DLG3: variants seen among roughly 807,000 people sequenced by gnomAD.
The protein encoded by DLG3 is disks large homolog 3.
Under a neutral mutation model 64.1 loss-of-function variants are expected in DLG3, and 1 was observed. That is an observed-to-expected ratio of 0.02 (90% CI 0.01 to 0.07). DLG3 has a LOEUF of 0.07. Among genes scored for constraint, DLG3 ranks in the 10% least tolerant of loss-of-function variants. The pLI is 1.00. For missense variants in DLG3, 429 were observed against 669.5 expected, an observed-to-expected ratio of 0.64 and a Z score of 3.96; for synonymous variants, 245 against 259.8, an observed-to-expected ratio of 0.94 and a Z score of 0.55.
intron 12 of DLG3, among the ~76,000 whole-genome samples, chrX:70,492,960 C>T (rs1176559404): frequency 8.9e-6 from 1 of 112,056 alleles, no homozygotes; most frequent in Non-Finnish European, 1.9e-5. Context: ...TCCCTTCAGA[C>T]CACCTGAGGC....
At chrX:70,484,062 T>TATTTAATTTA (rs202014669) in intron 10 of DLG3, among the ~76,000 whole-genome samples, 18 of 112,237 alleles carry the variant, frequency 1.6e-4, no homozygotes, top group Admixed American at 7.6e-4. Flanking sequence ...TCTATACTTG[T>TATTTAATTTA]ATTTAATTTA....
rs1251815075 is a variant in DLG3, at chrX:70,450,758, G to T, written c.960G>T (p.Met320Ile). 1 of 1,211,555 alleles carries T rather than the reference G, an allele frequency of 8.3e-7. No homozygotes were observed. The highest frequency in any genetic ancestry group is 1.1e-6 in the Non-Finnish European group (1 of 895,483). The change falls in exon 6 of 19, where the codon ATG becomes ATT. Residue 320 changes from methionine (M) to isoleucine (I), a missense_variant. Coordinates refer to ENST00000374360, the MANE Select transcript of DLG3 (RefSeq NM_021120.4). ...AKPGSLHLND[M>I]YAPPDYASTF... is the part of the protein sequence containing the mutation. ...CAGGCAGCCTCCACCTCAACGACAT[G>T]TACGCTCCCCCTGACTACGCCAGCA... is the stretch of plus-strand genomic sequence containing the variant.
At chrX:70,483,802 C>G (rs1418637891) in intron 10 of DLG3, among the ~76,000 whole-genome samples, 1 of 112,195 alleles carries the variant, frequency 8.9e-6, no homozygotes, top group Non-Finnish European at 1.9e-5. Context: ...AAGGACCTTC[C>G]TCACACTTCA....
chrX:70,460,297 A>C (rs1420499033), intron 9 of DLG3, among the ~76,000 whole-genome samples: 1 of 108,822 alleles, frequency 9.2e-6, no homozygotes, highest in Admixed American at 9.9e-5. Context: ...AAAAAAAAAA[A>C]AAAAAAAAAA....
intron 12 of DLG3, among the ~76,000 whole-genome samples, chrX:70,494,938 C>T (rs1486380069): frequency 8.9e-6 from 1 of 112,509 alleles, no homozygotes; most frequent in African/African-American, 3.2e-5. Context: ...CTACCTGGCA[C>T]ACGCGGACAT....
At chrX:70,452,594 A>G in intron 7 of DLG3, 1 of 1,172,163 alleles carries the variant, frequency 8.5e-7, no homozygotes, top group Non-Finnish European at 1.1e-6. Flanking sequence ...CCGGAAGGGT[A>G]GGCAGCCAGG....
rs779238940 is a variant in DLG3, at chrX:70,449,477, G to A, written c.527G>A (p.Arg176Lys). The A allele has an allele frequency of 1.7e-6, 2 of 1,211,445 alleles. No homozygotes were observed. The highest frequency in any genetic ancestry group is 2.2e-6 in the Non-Finnish European group (2 of 895,382). ...GGTGGAGCAGCTGCCATGGATGGGA[G>A]GCTGGGGTGAGATGGCCTGGAAGCA... Reference protein sequence around the residue: ...IPGGAAAMDGRLGVNDCVLRV... With the variant: ...IPGGAAAMDGKLGVNDCVLRV... Residue 176 changes from arginine to lysine, a missense_variant, in exon 3 of 19, where the codon AGG (arginine) becomes AAG (lysine). Physicochemically the swap from Arg to Lys is conservative, Grantham distance 26. Around this residue, in one of 9 missense-constraint regions of DLG3, gnomAD observed 73 missense variants for 158.5 expected, o/e 0.46. Transcript: ENST00000374360.
At chrX:70,476,186 GAA>G (rs2087051339) in intron 9 of DLG3, among the ~76,000 whole-genome samples, 1 of 112,064 alleles carries the variant, frequency 8.9e-6, no homozygotes, top group Non-Finnish European at 1.9e-5. Context: ...TGGGAAAAAG[GAA>G]AGAGGGCGAT....
chrX:70,471,967 G>A (rs2086977624), intron 9 of DLG3, among the ~76,000 whole-genome samples: 1 of 111,177 alleles, frequency 9.0e-6, no homozygotes, highest in Admixed American at 9.6e-5. Flanking sequence ...AGTTCTAATT[G>A]TGTTACTTTC....
chrX:70,494,853 CTT>C (rs1294011067), intron 12 of DLG3, among the ~76,000 whole-genome samples: 1 of 112,771 alleles, frequency 8.9e-6, no homozygotes. Flanking sequence ...CCATGCGAAA[CTT>C]TTCCTGAAGG....
intron 9 of DLG3, among the ~76,000 whole-genome samples, chrX:70,464,591 C>T (rs900141481): frequency 8.9e-6 from 1 of 111,938 alleles, no homozygotes; most frequent in African/African-American, 3.2e-5. Flanking sequence ...TAGTAACAGT[C>T]TTGCTTATGA....
At chrX:70,490,495 T>C (rs370190703) in intron 10 of DLG3, among the ~76,000 whole-genome samples, 1 of 112,120 alleles carries the variant, frequency 8.9e-6, no homozygotes, top group East Asian at 2.8e-4. Context: ...GCTTTGAGTG[T>C]GTAAATTGAG....
intron 9 of DLG3, among the ~76,000 whole-genome samples, chrX:70,476,786 G>A (rs1019400222): frequency 8.9e-6 from 1 of 112,540 alleles, no homozygotes; most frequent in South Asian, 3.7e-4. Context: ...CTTGGACACA[G>A]TTTTCTAATT....
chrX:70,457,938 C>T (rs777919356), intron 9 of DLG3, among the ~76,000 whole-genome samples: 109 of 110,689 alleles, frequency 9.8e-4, no homozygotes, highest in African/African-American at 2.4e-3. Flanking sequence ...TGCAGTAGCA[C>T]GATCTCGGCT....
intron 10 of DLG3, among the ~76,000 whole-genome samples, chrX:70,482,660 G>GTTTTTTT (rs200729766): frequency 0.011 from 733 of 69,110 alleles, 80 homozygotes; most frequent in Admixed American, 0.053. Context: ...TACATGTGTG[G>GTTTTTTT]TGTTTTTTTT....
chrX:70,492,023 G>C, intron 10 of DLG3, 84 bp from the exon 11 acceptor site: 3 of 983,532 alleles, frequency 3.1e-6, no homozygotes, highest in Non-Finnish European at 4.2e-6. Context: ...TGTGCTGTTT[G>C]GGTTGGCCTT....
chrX:70,491,999 G>A, intron 10 of DLG3, 108 bp from the exon 11 acceptor site: 1 of 803,997 alleles, frequency 1.2e-6, no homozygotes, highest in Non-Finnish European at 1.8e-6. Flanking sequence ...AGTATACTGT[G>A]AGGCTGCTAT....
At chrX:70,455,452 A>G (rs1328250005) in intron 9 of DLG3, among the ~76,000 whole-genome samples, 1 of 106,912 alleles carries the variant, frequency 9.4e-6, no homozygotes, top group African/African-American at 3.4e-5. Context: ...CGCGGGGCTC[A>G]GCGCCCCCTC....
chrX:70,462,887 C>A (rs2086829597), intron 9 of DLG3, among the ~76,000 whole-genome samples: 2 of 111,301 alleles, frequency 1.8e-5, no homozygotes, highest in South Asian at 7.7e-4. Context: ...ATTACGTTTT[C>A]TTTTCAATTT....
Sources: allele counts gnomAD v4.1 joint callset (sites outside exome capture counted in the v4.1 genomes callset), GRCh38; gene constraint gnomAD v4.1.1; regional missense constraint gnomAD v4.1.1; transcripts MANE v1.5; gene names NCBI Gene and HGNC (gene_info 2026-07-23, HGNC 2026-07-21).